PSMA2: variants seen among roughly 807,000 people sequenced by gnomAD.
The protein encoded by PSMA2 is proteasome 20S subunit alpha 2, also known as proteasome subunit alpha type-2.
A neutral mutation model predicts 35.9 loss-of-function variants in PSMA2; 2 were observed. That is an observed-to-expected ratio of 0.06 (90% CI 0.02 to 0.18). PSMA2 has a LOEUF of 0.18. Among genes scored for constraint, PSMA2 ranks in the 10% least tolerant of loss-of-function variants. PSMA2 has a pLI of 1.00. For missense variants in PSMA2, 126 were observed against 278.8 expected, an observed-to-expected ratio of 0.45 and a Z score of 3.90; for synonymous variants, 97 against 98.2, an observed-to-expected ratio of 0.99 and a Z score of 0.07.
intron 3 of PSMA2, 25 bp downstream of exon 3, chr7:42,926,510 GA>G (rs1562702451): frequency 6.5e-7 from 1 of 1,543,760 alleles, no homozygotes; most frequent in Non-Finnish European, 8.7e-7. Flanking sequence ...GAGATGGTGA[GA>G]AACACTATAA....
chr7:42,932,159 C>T lies in PSMA2; in HGVS notation c.-1G>A. Reference sequence around the variant, plus strand: ...AAAAGCTGTACCCGCGCTCCGCCATCTTTACCCGAAGAGCCAAAGCACAGC... The same window carrying T: ...AAAAGCTGTACCCGCGCTCCGCCATTTTTACCCGAAGAGCCAAAGCACAGC... On this transcript the variant is annotated 5_prime_UTR_variant, in exon 1 of 8. Coordinates refer to ENST00000223321, the MANE Select transcript of PSMA2 (RefSeq NM_002787.5). 6.2e-7 allele frequency: 1 copy of T among 1,614,166 alleles called. No homozygotes were observed. Among genetic ancestry groups the T allele is most frequent in the Non-Finnish European group, 8.5e-7 (1 of 1,180,032 alleles).
At chr7:42,918,113 T>C (rs778640551) in intron 6 of PSMA2, 73 of 173,884 alleles carry the variant, frequency 4.2e-4, no homozygotes, top group Non-Finnish European at 8.6e-4. Context: ...CTTGGCTTAC[T>C]GCAAGCTCCA....
At chr7:42,923,122 GAACT>G (rs566503705) in intron 5 of PSMA2, among the ~76,000 whole-genome samples, 199 bp downstream of exon 5, 349 of 152,310 alleles carry the variant, frequency 2.3e-3, no homozygotes, top group Middle Eastern at 6.8e-3. Context: ...AAAGAGGGTA[GAACT>G]AATACAGCTT....
chr7:42,928,971 T>G (rs978249258), intron 1 of PSMA2, among the ~76,000 whole-genome samples: 2 of 152,128 alleles, frequency 1.3e-5, no homozygotes, highest in Non-Finnish European at 2.9e-5. Context: ...ATTCATCATA[T>G]CTGAATTGTT....
At chr7:42,931,972 A>G in intron 1 of PSMA2, 146 bp downstream of exon 1, 1 of 1,106,636 alleles carries the variant, frequency 9.0e-7, no homozygotes, top group Non-Finnish European at 1.4e-6. Flanking sequence ...CGGCCTGGCA[A>G]ATGACTTTGC....
At chr7:42,922,276 G>A (rs1016472584) in intron 5 of PSMA2, among the ~76,000 whole-genome samples, 2 of 152,074 alleles carry the variant, frequency 1.3e-5, no homozygotes, top group Non-Finnish European at 2.9e-5. Context: ...AAAAGAAATT[G>A]AGGTTAACTT....
In PSMA2 at chr7:42,923,317, ATACT is replaced by A. The variant is rs762065347; in HGVS notation, c.456+4_456+7del. 6.3e-7 allele frequency: 1 copy of A among 1,583,050 alleles called. No homozygotes were observed. The highest frequency in any genetic ancestry group is 8.7e-7 in the Non-Finnish European group (1 of 1,152,300). ...ACAAATCCCTCAAATACATTAAATG[ATACT>A]TACAGATGGATCTGACTGAAATAAA... On this transcript the variant is annotated splice_donor_5th_base_variant and intron_variant, in intron 5 of 7. Coordinates refer to ENST00000223321, the MANE Select transcript of PSMA2 (RefSeq NM_002787.5).
In PSMA2 at chr7:42,917,855, T is replaced by A. The variant is rs753849211; in HGVS notation, c.531-20A>T. 1.7e-4 allele frequency: 245 copies of A among 1,456,128 alleles called. No individual in the cohort carries two copies. The highest frequency in any genetic ancestry group is 1.6e-3 in the African/African-American group (101 of 62,652). The allele number at this position is 1,456,128 out of a possible 1,614,324, so 90.2% of individuals were successfully genotyped here. A position where few individuals can be genotyped will look rare whatever the true frequency, so the allele number is the denominator to read the frequency against. On this transcript the variant is annotated intron_variant, in intron 6 of 7. Coordinates refer to ENST00000223321, the MANE Select transcript of PSMA2 (RefSeq NM_002787.5). ...TTATATCTGAAGAATTTAAAAAAAATTACTTATATCATTGTTTATATTCTT... is the reference window on the plus strand; with the variant it reads ...TTATATCTGAAGAATTTAAAAAAAAATACTTATATCATTGTTTATATTCTT...
chr7:42,923,233 G>T, intron 5 of PSMA2, 92 bp downstream of exon 5: 1 of 960,720 alleles, frequency 1.0e-6, no homozygotes, highest in Non-Finnish European at 1.6e-6. Flanking sequence ...AGAAAATACT[G>T]CTAAATTGTA....
chr7:42,928,660 C>T (rs1210685540), intron 1 of PSMA2, among the ~76,000 whole-genome samples: 1 of 152,162 alleles, frequency 6.6e-6, no homozygotes, highest in African/African-American at 2.4e-5. Context: ...CCTTATCTCC[C>T]GTCTACTAAT....
intron 6 of PSMA2, chr7:42,918,537 C>A (rs890247589): frequency 4.2e-4 from 64 of 152,242 alleles, no homozygotes; most frequent in African/African-American, 1.4e-3. Context: ...CTACTTTCCT[C>A]CCTCCATTGT....
At chr7:42,930,423 T>C (rs1160362379) in intron 1 of PSMA2, among the ~76,000 whole-genome samples, 7 of 152,010 alleles carry the variant, frequency 4.6e-5, no homozygotes, top group Admixed American at 4.6e-4. Context: ...GGCTAATTTT[T>C]TAATTTTTTT....
At position 42,917,450 on chromosome 7, in the gene PSMA2, TAA is replaced by T; in HGVS notation, c.*122_*123del. ...TTATTAGGATTTATAAGTGTCATTT[TAA>T]AAACAGTCGATTTAAACCATGTAGA... On this transcript the variant is annotated 3_prime_UTR_variant, in exon 8 of 8. Coordinates refer to ENST00000223321, the MANE Select transcript of PSMA2 (RefSeq NM_002787.5). The T allele has an allele frequency of 1.4e-6, 1 of 731,584 alleles. No homozygotes were observed. Among genetic ancestry groups the T allele is most frequent in the Non-Finnish European group, 2.3e-6 (1 of 444,284 alleles). 45.3% of individuals were successfully genotyped at this position (731,584 alleles called of 1,614,324 possible).
At chr7:42,917,716 C>A (rs762064162) in intron 7 of PSMA2, 26 bp from the exon 8 acceptor site, 2 of 1,611,064 alleles carry the variant, frequency 1.2e-6, no homozygotes, top group South Asian at 1.1e-5. Context: ...GAAAAAAGGT[C>A]AATTTTCTAA....
chr7:42,930,089 G>C lies in PSMA2; in HGVS notation c.41+2029C>G, dbSNP rs140357751. On this transcript the variant is annotated intron_variant, in intron 1 of 7. Coordinates refer to ENST00000223321, the MANE Select transcript of PSMA2 (RefSeq NM_002787.5). ...TTCCTCAACCAAATGTAGTCCACAAGAACTGTTTCATCCTGTATGGTCTCT... is the reference window on the plus strand; with the variant it reads ...TTCCTCAACCAAATGTAGTCCACAACAACTGTTTCATCCTGTATGGTCTCT... Among the ~76,000 whole-genome samples, 106 of 152,186 alleles carry C rather than the reference G, an allele frequency of 7.0e-4. 1 individual carries two copies. Among genetic ancestry groups the C allele is most frequent in the Admixed American group, 4.3e-3 (65 of 15,282 alleles).
intron 2 of PSMA2, 124 bp from the exon 3 acceptor site, chr7:42,926,792 C>G (rs571541496): frequency 8.5e-7 from 1 of 1,173,872 alleles, no homozygotes; most frequent in African/African-American, 1.6e-5. Context: ...ACCTTTTCTT[C>G]CGGAGTCCTA....
chr7:42,931,995 C>A, intron 1 of PSMA2, 123 bp downstream of exon 1: 1 of 1,312,564 alleles, frequency 7.6e-7, no homozygotes. Flanking sequence ...AGCCGCATTT[C>A]CAACTCCATT....
At chr7:42,927,696 A>G (rs1393019836) in intron 1 of PSMA2, among the ~76,000 whole-genome samples, 3 of 152,240 alleles carry the variant, frequency 2.0e-5, no homozygotes, top group Non-Finnish European at 4.4e-5. Flanking sequence ...ACCTGAGGTC[A>G]GGAGTTCGAG....
chr7:42,922,835 T>G (rs1393432493), intron 5 of PSMA2, among the ~76,000 whole-genome samples: 1 of 152,178 alleles, frequency 6.6e-6, no homozygotes, highest in Non-Finnish European at 1.5e-5. Context: ...ACAAACACCT[T>G]CTATTCAGAT....
Sources: allele counts gnomAD v4.1 joint callset (sites outside exome capture counted in the v4.1 genomes callset), GRCh38; gene constraint gnomAD v4.1.1; transcripts MANE v1.5; gene names NCBI Gene and HGNC (gene_info 2026-07-23, HGNC 2026-07-21).